Variants in PRSS27 observed in about 807,000 individuals in gnomAD.
PRSS27 encodes channel-activating protease 2.
In PRSS27, 25 loss-of-function variants were observed where a neutral mutation model predicts 32.0. The observed-to-expected ratio is 0.78, with a 90% confidence interval of 0.57 to 1.09. PRSS27 has a LOEUF of 1.09. PRSS27 is among the 50% of genes least tolerant of loss of function. The probability of loss-of-function intolerance (pLI) is 0.00; values close to 1 mark genes in which losing one functional copy is unlikely to be tolerated. For missense variants in PRSS27, 401 were observed against 394.9 expected, an observed-to-expected ratio of 1.02 and a Z score of -0.13; for synonymous variants, 178 against 172.2, an observed-to-expected ratio of 1.03 and a Z score of -0.26.
intron 1 of PRSS27, chr16:2,718,208 A>C (rs189846757): frequency 2.9e-4 from 44 of 151,572 alleles, no homozygotes; most frequent in African/African-American, 1.0e-3. Context: ...TTCCTTCCTA[A>C]AGTAGCCCTG....
intron 5 of PRSS27, 95 bp downstream of exon 5, chr16:2,713,434 G>T (rs746006948): frequency 1.5e-6 from 2 of 1,313,562 alleles, no homozygotes; most frequent in African/African-American, 1.4e-5. Flanking sequence ...TGCTCAGCTG[G>T]TTGAATGCAT....
chr16:2,713,382 G>A (rs755985452), intron 5 of PRSS27, 147 bp downstream of exon 5: 3 of 856,934 alleles, frequency 3.5e-6, no homozygotes, highest in South Asian at 1.4e-5. Context: ...ACAGGCGTGA[G>A]CCACCACACC....
At chr16:2,713,466 T>G in intron 5 of PRSS27, 63 bp downstream of exon 5, 1 of 1,547,468 alleles carries the variant, frequency 6.5e-7, no homozygotes, top group Non-Finnish European at 8.9e-7. Context: ...CGGGGCATGA[T>G]CCCACCCTGC....
chr16:2,713,988 G>A, intron 4 of PRSS27, 77 bp downstream of exon 4: 1 of 1,425,490 alleles, frequency 7.0e-7, no homozygotes, highest in South Asian at 1.3e-5. Context: ...GAAGATTGTG[G>A]GTTCAGAGTG....
Position 2,712,952 on chromosome 16 carries a change from C to A in PRSS27, c.679-138G>T. On this transcript the variant is annotated intron_variant, in intron 5 of 5. Coordinates refer to ENST00000302641, the MANE Select transcript of PRSS27 (RefSeq NM_031948.5). This position sits in a 1 kb window ranked among gnomAD's most constrained non-coding sequence, Gnocchi z 4.6. ...GCCTCTCTGCCCGGCTCCCCATCCC[C>A]TGCCAGTCCGATTGTCTAAAGTGCC... 1 of 670,040 alleles carries A rather than the reference C, an allele frequency of 1.5e-6. No homozygotes were observed. The highest frequency in any genetic ancestry group is 2.5e-6 in the Non-Finnish European group (1 of 406,956). The allele number at this position is 670,040 out of a possible 1,614,324, so 41.5% of individuals were successfully genotyped here.
intron 4 of PRSS27, 83 bp from the exon 5 acceptor site, chr16:2,713,781 C>T (rs1437647320): frequency 7.6e-6 from 11 of 1,440,796 alleles, no homozygotes; most frequent in Non-Finnish European, 1.1e-5. Flanking sequence ...CTCCATCCTG[C>T]CTGTCGTTTC....
At chr16:2,715,694 G>GGGGGCA (rs1173594830) in intron 3 of PRSS27, 24 bp downstream of exon 3, 1 of 1,544,526 alleles carries the variant, frequency 6.5e-7, no homozygotes, top group Non-Finnish European at 8.7e-7. Flanking sequence ...CGCTATGGGC[G>GGGGGCA]GGGGCAGGGG....
chr16:2,714,398 G>A lies in PRSS27; in HGVS notation c.237-62C>T, dbSNP rs1480891497. ...CCTCGTGTGGGGACAGGCCCGGGAG[G>A]GGCTGGGGCTCCTCTGGCCACCACC... is the stretch of plus-strand genomic sequence containing the variant. On this transcript the variant is annotated intron_variant, in intron 3 of 5. Transcript: ENST00000302641. The surrounding 1 kb of genome is among the most constrained non-coding windows in gnomAD (Gnocchi z 4.7). 3 of 1,579,692 alleles carry A rather than the reference G, an allele frequency of 1.9e-6. No homozygotes were observed. Among genetic ancestry groups the A allele is most frequent in the Non-Finnish European group, 2.6e-6 (3 of 1,166,248 alleles).
chr16:2,713,407 G>T, intron 5 of PRSS27, 122 bp downstream of exon 5: 1 of 1,088,284 alleles, frequency 9.2e-7, no homozygotes, highest in Non-Finnish European at 1.4e-6. Flanking sequence ...CCTGGAATCT[G>T]CCTTTTCAAA....
rs376610470 is a variant in PRSS27, at chr16:2,715,759, G to A, written c.195C>T (p.Ile65=). ...CAGCCGTCAGGACCCACTGCTCCGC[G>A]ATGAGGCTGCCCCCGCAGAAGTGGC... ...NGSHFCGGSL[I]AEQWVLTAAH... is the part of the protein sequence containing the mutation. Residue 65 remains isoleucine (I), a synonymous_variant, in exon 3 of 6, where the codon ATC becomes ATT. Transcript: ENST00000302641. 7 of 1,584,320 alleles carry A rather than the reference G, an allele frequency of 4.4e-6. No individual in the cohort carries two copies. The highest frequency in any genetic ancestry group is 3.6e-5 in the Admixed American group (2 of 56,024).
In PRSS27 at chr16:2,720,156, C is replaced by A. The variant is rs111761656; in HGVS notation, c.5G>T (p.Arg2Met). Residue 2 changes from arginine (R) to methionine (M), a missense_variant, in exon 1 of 6, where the codon AGG becomes ATG. By Grantham distance (91) the Arg-to-Met change is moderately conservative. Coordinates refer to ENST00000302641, the MANE Select transcript of PRSS27 (RefSeq NM_031948.5). Reference protein sequence around the residue: MRRPAAVPLLLL... With the variant: MMRPAAVPLLLL... ...CAGGAGCGGCACCGCCGCCGGCCGC[C>A]TCATGTCCTCAGGCCTGGCTGGGGC... 2.0e-3 allele frequency: 3,144 copies of A among 1,599,438 alleles called. 47 individuals carry two copies. In the African/African-American group the frequency reaches 0.035, roughly 18 times the overall value.
chr16:2,715,872 G>C lies in PRSS27; in HGVS notation c.82C>G (p.Arg28Gly). The C allele has an allele frequency of 6.3e-7, 1 of 1,578,012 alleles. No individual in the cohort carries two copies. The highest frequency in any genetic ancestry group is 8.6e-7 in the Non-Finnish European group (1 of 1,160,780). ...QRAKAATACG[R>G]PRMLNRMVGG... ...ACCATTCGGTTCAGCATCCTGGGGC[G>C]ACCACAGGCTGGGGGAGCATGGGGA... The change falls in exon 3 of 6, where the codon CGC becomes GGC. Residue 28 changes from arginine to glycine, a missense_variant. By Grantham distance (125) the Arg-to-Gly change is moderately radical. Coordinates refer to ENST00000302641, the MANE Select transcript of PRSS27 (RefSeq NM_031948.5).
Position 2,714,191 on chromosome 16 carries a change from C to T in PRSS27, c.382G>A (p.Val128Met). 2.5e-6 allele frequency: 4 copies of T among 1,614,062 alleles called. No individual in the cohort carries two copies. Among genetic ancestry groups the T allele is most frequent in the Non-Finnish European group, 2.5e-6 (3 of 1,180,028 alleles). Reference sequence around the variant, plus strand: ...AAGGGCACTGGTGCCTCCAGCTCCACCAGGGCCACGTCAGCGCTGGAGGCC... The same window carrying T: ...AAGGGCACTGGTGCCTCCAGCTCCATCAGGGCCACGTCAGCGCTGGAGGCC... ...GTASSADVAL[V>M]ELEAPVPFTN... Residue 128 changes from valine to methionine, a missense_variant, in exon 4 of 6, where the codon GTG becomes ATG. By Grantham distance (21) the Val-to-Met change is conservative. Transcript: ENST00000302641. The surrounding 1 kb of genome is among the most constrained non-coding windows in gnomAD (Gnocchi z 4.7).
At chr16:2,718,860 CAA>C (rs1446483419) in intron 1 of PRSS27, among the ~76,000 whole-genome samples, 1 of 151,822 alleles carries the variant, frequency 6.6e-6, no homozygotes, top group African/African-American at 2.4e-5. Context: ...TGGATGGACA[CAA>C]GTGTGGCTGT....
At chr16:2,716,346 T>C in intron 2 of PRSS27, 154 bp downstream of exon 2, 1 of 723,652 alleles carries the variant, frequency 1.4e-6, no homozygotes, top group Non-Finnish European at 2.4e-6. Context: ...CCTCCTCCTC[T>C]CCTTTCTGGG....
intron 2 of PRSS27, chr16:2,716,119 G>GGGCCACGGAGGCACTGAGATAACC: frequency 1.9e-6 from 1 of 527,880 alleles, no homozygotes; most frequent in Non-Finnish European, 3.3e-6. Context: ...TGCCTCTTGG[G>GGGCCACGGAGGCACTGAGATAACC]GGCCACGGAG....
Position 2,713,602 on chromosome 16 carries a change from C to G in PRSS27, c.605G>C (p.Gly202Ala). The G allele has an allele frequency of 1.2e-6, 2 of 1,614,204 alleles. No individual in the cohort carries two copies. Among genetic ancestry groups the G allele is most frequent in the Non-Finnish European group, 1.7e-6 (2 of 1,180,044 alleles). Reference sequence around the variant, plus strand: ...ATTCTTGATGGTTTTGGGTTGGTAGCCAAACTCGGTGTCTTTGCTGTAGAG... The same window carrying G: ...ATTCTTGATGGTTTTGGGTTGGTAGGCAAACTCGGTGTCTTTGCTGTAGAG... ...NLLYSKDTEF[G>A]YQPKTIKNDM... is the part of the protein sequence containing the mutation. The change falls in exon 5 of 6, where the codon GGC becomes GCC. Residue 202 changes from glycine (G) to alanine (A), a missense_variant. Coordinates refer to ENST00000302641, the MANE Select transcript of PRSS27 (RefSeq NM_031948.5).
intron 3 of PRSS27, chr16:2,715,323 TG>T: frequency 5.5e-6 from 1 of 181,516 alleles, no homozygotes; most frequent in Non-Finnish European, 1.2e-5. Flanking sequence ...CCGTTCTGTC[TG>T]GTCCTTGGGC....
In PRSS27 at chr16:2,712,632, G is replaced by A. The variant is rs201002896; in HGVS notation, c.861C>T (p.Gly287=). 58 of 1,584,892 alleles carry A rather than the reference G, an allele frequency of 3.7e-5. 1 individual carries two copies. The highest frequency in any genetic ancestry group is 7.1e-5 in the Admixed American group (4 of 56,080). ...PKLQFQPARL[G]GQK The stretch of plus-strand genomic sequence containing the variant: ...GGCCCCGGGGGTCTCACTTCTGGCC[G>A]CCCAACCTCGCTGGCTGGAACTGCA... Residue 287 remains glycine (G), a synonymous_variant, in exon 6 of 6, where the codon GGC becomes GGT. Transcript: ENST00000302641. This position sits in a 1 kb window ranked among gnomAD's most constrained non-coding sequence, Gnocchi z 4.6.
Sources: gnomAD v4.1 joint callset for allele counts (sites outside exome capture counted in the v4.1 genomes callset) on GRCh38, gnomAD v4.1.1 for gene constraint, Gnocchi (gnomAD v3.1) non-coding constraint, MANE v1.5 for transcripts, NCBI Gene and HGNC (gene_info 2026-07-23, HGNC 2026-07-21) for gene names.